Variants in NAALADL2 observed in about 807,000 individuals in gnomAD.
NAALADL2 encodes the protein N-acetylated alpha-linked acidic dipeptidase like 2.
NAALADL2 carries 76 observed loss-of-function variants against 87.2 expected under a neutral mutation model. That is an observed-to-expected ratio of 0.87 (90% CI 0.72 to 1.05). The LOEUF (loss-of-function observed/expected upper bound fraction) is 1.05. Ranked by LOEUF, NAALADL2 falls within the 50% of genes least tolerant of loss-of-function variation. NAALADL2 has a pLI of 0.00. For missense variants in NAALADL2, 1,089 were observed against 945.8 expected, an observed-to-expected ratio of 1.15 and a Z score of -1.99; for synonymous variants, 354 against 331.0, an observed-to-expected ratio of 1.07 and a Z score of -0.75.
intron 9 of NAALADL2, among the ~76,000 whole-genome samples, chr3:175,491,566 A>G (rs926471096): frequency 1.3e-5 from 2 of 152,164 alleles, no homozygotes; most frequent in Admixed American, 6.6e-5. Context: ...CTAGTTATTT[A>G]CTGTTTCATT....
intron 3 of NAALADL2, among the ~76,000 whole-genome samples, chr3:174,790,247 C>T (rs952510711): frequency 1.1e-4 from 16 of 152,084 alleles, no homozygotes; most frequent in African/African-American, 3.9e-4. Flanking sequence ...GATATTATAG[C>T]TTACTAAAAA....
intron 3 of NAALADL2, among the ~76,000 whole-genome samples, chr3:174,827,751 T>G (rs1722163394): frequency 6.6e-6 from 1 of 152,186 alleles, no homozygotes. Flanking sequence ...GCCTTATAGA[T>G]TTACTGGAGA....
chr3:175,272,500 G>T (rs1395948240), intron 4 of NAALADL2, among the ~76,000 whole-genome samples: 1 of 152,060 alleles, frequency 6.6e-6, no homozygotes, highest in East Asian at 1.9e-4. Context: ...TAATAGCCAT[G>T]TTTATCATCT....
At chr3:174,571,988 T>C (rs1294160513) in intron 2 of NAALADL2, among the ~76,000 whole-genome samples, 1 of 152,208 alleles carries the variant, frequency 6.6e-6, no homozygotes, top group Non-Finnish European at 1.5e-5. Flanking sequence ...TGAAGAAAGC[T>C]ACCCTGTTCT....
In NAALADL2 at chr3:174,948,866, G is replaced by C. The variant is rs149144174; in HGVS notation, c.43+89416G>C. On this transcript the variant is annotated intron_variant, in intron 1 of 13. Coordinates refer to ENST00000454872, the MANE Select transcript of NAALADL2 (RefSeq NM_207015.3). The stretch of plus-strand genomic sequence containing the variant: ...CTTTCAGGCTGCTATAAGAAAATAT[G>C]ATAGACTGGGTGACTTATAAACAAC... Among the ~76,000 whole-genome samples the C allele has an allele frequency of 4.0e-3, 606 of 152,220 alleles. 4 individuals are homozygous for C. Among genetic ancestry groups the C allele is most frequent in the African/African-American group, 0.013 (557 of 41,542 alleles).
At chr3:174,839,397 G>A in intron 3 of NAALADL2, among the ~76,000 whole-genome samples, 1 of 152,100 alleles carries the variant, frequency 6.6e-6, no homozygotes, top group East Asian at 1.9e-4. Flanking sequence ...CACTCTAGAA[G>A]AAATCATTGG....
chr3:174,642,033 A>G (rs1003955159), intron 2 of NAALADL2, among the ~76,000 whole-genome samples: 2 of 152,184 alleles, frequency 1.3e-5, no homozygotes, highest in African/African-American at 4.8e-5. Flanking sequence ...TGCTAGGATT[A>G]CAGGCATGAG....
chr3:175,599,245 T>C (rs1026538404), intron 10 of NAALADL2, among the ~76,000 whole-genome samples: 1 of 152,142 alleles, frequency 6.6e-6, no homozygotes, highest in Non-Finnish European at 1.5e-5. Context: ...TCCTGTCACA[T>C]AGGAATCATT....
At chr3:174,708,430 A>G (rs1334975090) in intron 2 of NAALADL2, among the ~76,000 whole-genome samples, 4 of 152,212 alleles carry the variant, frequency 2.6e-5, no homozygotes, top group Non-Finnish European at 1.5e-5. Context: ...GTGATATATC[A>G]TTTATTCCAC....
At chr3:174,898,690 GA>G (rs1362453733) in intron 1 of NAALADL2, among the ~76,000 whole-genome samples, 2 of 151,790 alleles carry the variant, frequency 1.3e-5, no homozygotes, top group South Asian at 2.1e-4. Flanking sequence ...TATAATGTAT[GA>G]AAAAAGACAG....
intron 4 of NAALADL2, among the ~76,000 whole-genome samples, chr3:175,263,085 T>G (rs1463532): frequency 0.036 from 5,397 of 151,846 alleles, 219 homozygotes; most frequent in Admixed American, 0.12. Flanking sequence ...GACAACATGG[T>G]CAGCACTAGA....
chr3:175,400,055 T>A (rs1231419628), intron 5 of NAALADL2, among the ~76,000 whole-genome samples: 2 of 152,144 alleles, frequency 1.3e-5, no homozygotes, highest in Admixed American at 6.6e-5. Context: ...TGATTATTTT[T>A]GTAGTTTTGA....
At chr3:174,486,811 G>T (rs977426852) in intron 1 of NAALADL2, among the ~76,000 whole-genome samples, 5 of 151,948 alleles carry the variant, frequency 3.3e-5, no homozygotes, top group Admixed American at 3.3e-4. Context: ...ACTTGTGGTG[G>T]ACATTAGATG....
At chr3:175,370,968 A>G (rs1766405219) in intron 5 of NAALADL2, among the ~76,000 whole-genome samples, 1 of 152,172 alleles carries the variant, frequency 6.6e-6, no homozygotes, top group Non-Finnish European at 1.5e-5. Flanking sequence ...CATTATGTTC[A>G]GAATCATTGA....
intron 5 of NAALADL2, among the ~76,000 whole-genome samples, chr3:175,427,617 T>A (rs1210212462): frequency 6.6e-6 from 1 of 152,226 alleles, no homozygotes; most frequent in Non-Finnish European, 1.5e-5. Flanking sequence ...AATTCATAAC[T>A]TGAAATGTTT....
At chr3:175,016,257 A>G in intron 1 of NAALADL2, among the ~76,000 whole-genome samples, 1 of 126,946 alleles carries the variant, frequency 7.9e-6, no homozygotes, top group African/African-American at 4.2e-5. Flanking sequence ...CAGATAAATT[A>G]TTTATATATA....
intron 2 of NAALADL2, among the ~76,000 whole-genome samples, chr3:175,232,583 T>A (rs941546929): frequency 2.0e-5 from 3 of 152,106 alleles, no homozygotes; most frequent in African/African-American, 7.2e-5. Context: ...ATTAAAAAAA[T>A]CTTTTACAAA....
rs1246236074 is a variant in NAALADL2 at position 175,808,211 on chromosome 3, C to G, written c.*5008C>G. 1 of 151,726 alleles carries G rather than the reference C, an allele frequency of 6.6e-6. No individual in the cohort carries two copies. Among genetic ancestry groups the G allele is most frequent in the East Asian group, 1.9e-4 (1 of 5,182 alleles). The allele number at this position is 151,726 out of a possible 1,614,324, so 9.4% of individuals were successfully genotyped here. On this transcript the variant is annotated 3_prime_UTR_variant, in exon 14 of 14. Coordinates refer to ENST00000454872, the MANE Select transcript of NAALADL2 (RefSeq NM_207015.3). ...CTGATTATTGCAAGATGACATATTT[C>G]TTAAGCCATTTATAATCTCATATTC... is the stretch of plus-strand genomic sequence containing the variant.
At chr3:174,499,121 A>G (rs1413096908) in intron 1 of NAALADL2, among the ~76,000 whole-genome samples, 1 of 152,082 alleles carries the variant, frequency 6.6e-6, no homozygotes. Flanking sequence ...GAAAATGTAT[A>G]TGTAGGATTT....
Sources: gnomAD v4.1 joint callset for allele counts (sites outside exome capture counted in the v4.1 genomes callset) on GRCh38, gnomAD v4.1.1 for gene constraint, MANE v1.5 for transcripts, NCBI Gene and HGNC (gene_info 2026-07-23, HGNC 2026-07-21) for gene names.